Variants in ITFG1 observed in about 807,000 individuals in gnomAD.
The protein encoded by ITFG1 is integrin alpha FG-GAP repeat containing 1, also known as T-cell immunomodulatory protein.
In ITFG1, 34 loss-of-function variants were observed where a neutral mutation model predicts 81.8. The observed-to-expected ratio is 0.42, with a 90% CI of 0.32 to 0.55. The LOEUF (loss-of-function observed/expected upper bound fraction) is 0.55. Among genes scored for constraint, ITFG1 ranks in the 20% least tolerant of loss-of-function variants. ITFG1 has a pLI of 0.17. For synonymous variants in ITFG1, 285 were observed against 270.6 expected (o/e 1.05, Z -0.52); for missense variants, 672 against 755.4 (o/e 0.89, Z 1.29).
intron 6 of ITFG1, 26 bp from the exon 7 acceptor site, chr16:47,375,966 A>T: frequency 6.8e-7 from 1 of 1,471,870 alleles, no homozygotes; most frequent in South Asian, 1.2e-5. Context: ...ATAAAAACGT[A>T]AAGTTTTGTA....
At chr16:47,215,332 T>C (rs888068992) in intron 14 of ITFG1, among the ~76,000 whole-genome samples, 2 of 152,226 alleles carry the variant, frequency 1.3e-5, no homozygotes, top group Non-Finnish European at 2.9e-5. Context: ...GGTTTCATGA[T>C]GGCACTCCCT....
chr16:47,189,591 C>A (rs557533983), intron 14 of ITFG1, among the ~76,000 whole-genome samples: 19 of 152,142 alleles, frequency 1.2e-4, no homozygotes, highest in Non-Finnish European at 2.5e-4. Flanking sequence ...CTGTGGTTTA[C>A]CCATTCATCA....
intron 6 of ITFG1, among the ~76,000 whole-genome samples, chr16:47,428,573 G>A (rs532627651): frequency 2.0e-4 from 31 of 152,228 alleles, no homozygotes; most frequent in African/African-American, 6.3e-4. Context: ...AAAAAGTAGA[G>A]AATTCAAATT....
chr16:47,355,423 G>A (rs140631704), intron 8 of ITFG1, among the ~76,000 whole-genome samples: 17 of 152,252 alleles, frequency 1.1e-4, no homozygotes, highest in African/African-American at 4.1e-4. Context: ...AGGGCACAAA[G>A]TTACAGTTAA....
At chr16:47,420,209 T>C (rs1172153264) in intron 6 of ITFG1, among the ~76,000 whole-genome samples, 2 of 152,214 alleles carry the variant, frequency 1.3e-5, no homozygotes, top group Non-Finnish European at 2.9e-5. Flanking sequence ...AGATGCTTGA[T>C]ATGATGCCAA....
intron 10 of ITFG1, among the ~76,000 whole-genome samples, chr16:47,292,652 A>AC (rs1423888139): frequency 6.6e-6 from 1 of 151,582 alleles, no homozygotes; most frequent in Non-Finnish European, 1.5e-5. Flanking sequence ...TTATCCCTCA[A>AC]CCCCCCTCAC....
At chr16:47,244,593 G>T (rs1432203808) in intron 12 of ITFG1, among the ~76,000 whole-genome samples, 10 of 178 alleles carry the variant, frequency 0.056, no homozygotes, top group Middle Eastern at 0.5. Context: ...TCCATCTTTT[G>T]TGTGTGTGTG....
intron 8 of ITFG1, among the ~76,000 whole-genome samples, chr16:47,343,455 C>T (rs1479808042): frequency 6.6e-6 from 1 of 151,850 alleles, no homozygotes; most frequent in Admixed American, 6.6e-5. Flanking sequence ...TTTAAATATG[C>T]ACATAAAGGA....
At chr16:47,433,701 C>G (rs1969121716) in intron 5 of ITFG1, among the ~76,000 whole-genome samples, 1 of 148,862 alleles carries the variant, frequency 6.7e-6, no homozygotes, top group South Asian at 2.1e-4. Context: ...TGATGTTTAC[C>G]AAAGGTGTAC....
chr16:47,326,981 G>T (rs1220955753), intron 8 of ITFG1, among the ~76,000 whole-genome samples: 1 of 152,058 alleles, frequency 6.6e-6, no homozygotes, highest in African/African-American at 2.4e-5. Context: ...CTACTTTAAA[G>T]TGCATATGGA....
intron 8 of ITFG1, among the ~76,000 whole-genome samples, chr16:47,320,517 C>A (rs1055493239): frequency 6.6e-6 from 1 of 152,152 alleles, no homozygotes; most frequent in Admixed American, 6.6e-5. Flanking sequence ...AGATGGATAT[C>A]TGGTTAGCTG....
intron 14 of ITFG1, among the ~76,000 whole-genome samples, chr16:47,177,518 G>A (rs755871158): frequency 2.0e-5 from 3 of 152,128 alleles, no homozygotes; most frequent in African/African-American, 7.2e-5. Flanking sequence ...CAAAAAAGGT[G>A]TTCCATGTAT....
At chr16:47,347,402 G>A (rs1967872944) in intron 8 of ITFG1, among the ~76,000 whole-genome samples, 1 of 152,372 alleles carries the variant, frequency 6.6e-6, no homozygotes, top group East Asian at 1.9e-4. Flanking sequence ...ATTATATCCT[G>A]TGCATGGCTG....
At chr16:47,440,484 G>C (rs982989008) in intron 5 of ITFG1, among the ~76,000 whole-genome samples, 4 of 152,140 alleles carry the variant, frequency 2.6e-5, no homozygotes, top group Admixed American at 2.0e-4. Context: ...ATAACAAACT[G>C]TCTCTCAGAC....
chr16:47,365,759 C>T (rs1163142567), intron 8 of ITFG1, 29 bp downstream of exon 8: 98 of 1,101,804 alleles, frequency 8.9e-5, no homozygotes, highest in South Asian at 5.1e-4. Context: ...AGGCAAAAGC[C>T]TTTTTTTTTT....
intron 8 of ITFG1, among the ~76,000 whole-genome samples, chr16:47,314,072 G>C (rs1967312562): frequency 6.6e-6 from 1 of 152,074 alleles, no homozygotes; most frequent in Non-Finnish European, 1.5e-5. Context: ...AGGAGGGAGG[G>C]GGGCAAGGGC....
At chr16:47,328,892 T>A (rs1967599556) in intron 8 of ITFG1, among the ~76,000 whole-genome samples, 1 of 152,150 alleles carries the variant, frequency 6.6e-6, no homozygotes, top group Non-Finnish European at 1.5e-5. Context: ...AATACAATCC[T>A]ATTTTTTGCT....
At chr16:47,451,068 AGATAGG>A (rs1969382324) in intron 5 of ITFG1, among the ~76,000 whole-genome samples, 2 of 152,224 alleles carry the variant, frequency 1.3e-5, no homozygotes, top group African/African-American at 4.8e-5. Flanking sequence ...TAAGGTACTA[AGATAGG>A]GAGGATCCAC....
At chr16:47,451,346 T>C (rs778969721) in intron 5 of ITFG1, 50 bp downstream of exon 5, 6 of 1,002,718 alleles carry the variant, frequency 6.0e-6, no homozygotes, top group East Asian at 2.4e-5. Context: ...ATGGTTAAAG[T>C]AGAAGCAATA....
Sources: gnomAD v4.1 joint callset for allele counts (sites outside exome capture counted in the v4.1 genomes callset) on GRCh38, gnomAD v4.1.1 for gene constraint, MANE v1.5 for transcripts, NCBI Gene and HGNC (gene_info 2026-07-23, HGNC 2026-07-21) for gene names.